The following CLN8 variants were observed in gnomAD, a reference collection of about 807,000 sequenced individuals.
CLN8 encodes protein CLN8.
A neutral mutation model predicts 15.7 loss-of-function variants in CLN8; 14 were observed. The ratio of observed to expected loss-of-function variants is 0.89; its 90% confidence interval spans 0.59 to 1.39. CLN8 has a LOEUF of 1.39. CLN8 is among the 40% of genes most tolerant of loss of function. The pLI is 0.00. For missense variants in CLN8, 415 were observed against 364.0 expected, an observed-to-expected ratio of 1.14 and a Z score of -1.14; for synonymous variants, 188 against 151.0, an observed-to-expected ratio of 1.25 and a Z score of -1.80.
rs1295919558 is a variant in CLN8 at position 1,784,205 on chromosome 8, A to T, written c.*3638A>T. 1 of 152,216 alleles carries T rather than the reference A, an allele frequency of 6.6e-6. No individual in the cohort carries two copies. Among genetic ancestry groups the T allele is most frequent in the Non-Finnish European group, 1.5e-5 (1 of 68,194 alleles). The allele number at this position is 152,216 out of a possible 1,614,324, so 9.4% of individuals were successfully genotyped here. A position where few individuals can be genotyped will look rare whatever the true frequency, so the allele number is the denominator to read the frequency against. ...GAGGCTAAGGTAGAAGAATTGCTTG[A>T]ACCTGGGAGGCAGAGATTGCAGTGA... On this transcript the variant is annotated 3_prime_UTR_variant, in exon 3 of 3. Transcript: ENST00000331222.
At chr8:1,759,709 C>T (rs1216900132), upstream of CLN8, 1 of 152,222 alleles carries the variant, frequency 6.6e-6, no homozygotes, top group African/African-American at 2.4e-5. Flanking sequence ...CAGAGACCCT[C>T]ATGCTTCCTG....
chr8:1,755,832 C>G (rs1242284820), exon 1 of CLN8: 1 of 152,214 alleles, frequency 6.6e-6, no homozygotes, highest in African/African-American at 2.4e-5. Flanking sequence ...CCGCTTGTCC[C>G]AGGCAGGAGA....
chr8:1,753,773 C>A (rs1420539724), upstream of CLN8, among the ~76,000 whole-genome samples: 1 of 150,904 alleles, frequency 6.6e-6, no homozygotes, highest in Non-Finnish European at 1.5e-5. Context: ...GTAATCCCAG[C>A]TACATGGGAG....
upstream of CLN8, chr8:1,759,529 CA>C (rs770380030): frequency 3.3e-5 from 5 of 152,166 alleles, no homozygotes; most frequent in Admixed American, 2.0e-4. Flanking sequence ...AGTATGATAT[CA>C]GGGGCGGGGA....
At chr8:1,770,268 C>T (rs182930165) in intron 1 of CLN8, among the ~76,000 whole-genome samples, 9 of 152,294 alleles carry the variant, frequency 5.9e-5, no homozygotes, top group Non-Finnish European at 1.0e-4. Flanking sequence ...GAGGGCCCAG[C>T]AGCTGCAGAG....
At chr8:1,762,960 G>A (rs1800839841), upstream of CLN8, 1 of 152,148 alleles carries the variant, frequency 6.6e-6, no homozygotes, top group African/African-American at 2.4e-5. Context: ...TTAGACAGAA[G>A]AAACATAAGT....
At position 1,780,599 on chromosome 8, in the gene CLN8, G is replaced by C. The variant is rs553111545; in HGVS notation, c.*32G>C. 27 of 1,605,770 alleles carry C rather than the reference G, an allele frequency of 1.7e-5. No individual in the cohort carries two copies. The South Asian group carries it at 2.5e-4, about 15-fold the overall frequency. Reference sequence around the variant, plus strand: ...CAGCCGGGGCTCCGGGGCGGCAGCAGAGCTGGCACACCGATTCTGGGAAGC... The same window carrying C: ...CAGCCGGGGCTCCGGGGCGGCAGCACAGCTGGCACACCGATTCTGGGAAGC... On this transcript the variant is annotated 3_prime_UTR_variant, in exon 3 of 3. Coordinates refer to ENST00000331222, the MANE Select transcript of CLN8 (RefSeq NM_018941.4).
intron 2 of CLN8, among the ~76,000 whole-genome samples, chr8:1,771,992 A>G (rs997655778): frequency 4.0e-5 from 6 of 151,618 alleles, no homozygotes; most frequent in South Asian, 2.1e-4. Context: ...CTGGAGTACA[A>G]TGGCATGGTT....
intron 2 of CLN8, among the ~76,000 whole-genome samples, chr8:1,778,491 T>C (rs1024591152): frequency 6.6e-6 from 1 of 152,240 alleles, no homozygotes. Context: ...TCTGCTCTTC[T>C]TCCTGAGTGT....
Position 1,781,078 on chromosome 8 carries a change from G to C in CLN8, c.*511G>C, listed in dbSNP as rs1428164076. ...TCCCAGCGTATGAAATTCTAAGCTG[G>C]GTGGGGTGGCTCACACCCGACGTAA... is the stretch of plus-strand genomic sequence containing the variant. On this transcript the variant is annotated 3_prime_UTR_variant, in exon 3 of 3. Coordinates refer to ENST00000331222, the MANE Select transcript of CLN8 (RefSeq NM_018941.4). 1 of 157,174 alleles carries C rather than the reference G, an allele frequency of 6.4e-6. No individual in the cohort carries two copies. Among genetic ancestry groups the C allele is most frequent in the Non-Finnish European group, 1.4e-5 (1 of 71,150 alleles). The allele number at this position is 157,174 out of a possible 1,614,324, so 9.7% of individuals were successfully genotyped here.
In CLN8 at chr8:1,771,167, T is replaced by G; in HGVS notation, c.113T>G (p.Val38Gly). 5 of 1,613,998 alleles carry G rather than the reference T, an allele frequency of 3.1e-6. No homozygotes were observed. Among genetic ancestry groups the G allele is most frequent in the Non-Finnish European group, 4.2e-6 (5 of 1,180,016 alleles). ...GCTGGCTTTGTCTTCTACTTGGGCG[T>G]CTTTGTGGTCTGCCACCAGCTGTCC... ...MVAGFVFYLG[V>G]FVVCHQLSSS... Residue 38 changes from valine (V) to glycine (G), a missense_variant, in exon 2 of 3, where the codon GTC (valine) becomes GGC (glycine). By Grantham distance (109) the Val-to-Gly change is moderately radical. Transcript: ENST00000331222.
In CLN8 at chr8:1,757,210, A is replaced by G. The variant is rs548541025; in HGVS notation, c.-124+1128A>G. ...CCACCATTGATGTTGGGGCTGGGCC[A>G]TTGCCGTGGGGCTGCCCTGGGCATT... On this transcript the variant is annotated intron_variant, in intron 1 of 1. Coordinates refer to the CLN8 transcript ENST00000524258. 2.5e-3 allele frequency among the ~76,000 whole-genome samples: 376 copies of G among 152,202 alleles called. 4 individuals are homozygous for G. The highest frequency in any genetic ancestry group is 8.8e-3 in the African/African-American group (367 of 41,530).
chr8:1,774,878 T>C (rs1017086497), intron 2 of CLN8, among the ~76,000 whole-genome samples: 2 of 151,986 alleles, frequency 1.3e-5, no homozygotes, highest in African/African-American at 4.8e-5. Flanking sequence ...TACCAGCCAA[T>C]TGGGAGGCTA....
At chr8:1,756,554 T>C (rs1010429912) in intron 1 of CLN8, among the ~76,000 whole-genome samples, 1 of 152,082 alleles carries the variant, frequency 6.6e-6, no homozygotes, top group Non-Finnish European at 1.5e-5. Flanking sequence ...TTATACCATA[T>C]TATGCTGTAT....
chr8:1,777,739 A>AG (rs1801573575), intron 2 of CLN8, among the ~76,000 whole-genome samples: 1 of 152,174 alleles, frequency 6.6e-6, no homozygotes, highest in Non-Finnish European at 1.5e-5. Context: ...GAGAGACTTC[A>AG]GGGGCAGTAA....
At chr8:1,771,975 G>A (rs1006767572) in intron 2 of CLN8, among the ~76,000 whole-genome samples, 12 of 150,490 alleles carry the variant, frequency 8.0e-5, no homozygotes, top group African/African-American at 1.5e-4. Flanking sequence ...TCACTCTGTC[G>A]CCCAGGCTGG....
chr8:1,785,987 C>T lies in CLN8; in HGVS notation c.*5420C>T, dbSNP rs1801822911. The T allele has an allele frequency of 1.3e-5, 2 of 153,142 alleles. No homozygotes were observed. The highest frequency in any genetic ancestry group is 4.1e-4 in the South Asian group (2 of 4,912). The allele number at this position is 153,142 out of a possible 1,614,324, so 9.5% of individuals were successfully genotyped here. On this transcript the variant is annotated 3_prime_UTR_variant, in exon 3 of 3. Coordinates refer to ENST00000331222, the MANE Select transcript of CLN8 (RefSeq NM_018941.4). ...CTGGTGGGTCTCCCAGGAGCTGCCC[C>T]TCCCTGGAAGTCACAGGACAGGAAT...
At chr8:1,763,231 C>T (rs1800852387), upstream of CLN8, 1 of 151,940 alleles carries the variant, frequency 6.6e-6, no homozygotes, top group Non-Finnish European at 1.5e-5. Flanking sequence ...GGCTCTGCCG[C>T]AGCTTTCAGG....
chr8:1,771,163 G>A lies in CLN8; in HGVS notation c.109G>A (p.Gly37Ser), dbSNP rs770240445. The stretch of plus-strand genomic sequence containing the variant: ...GGTCGCTGGCTTTGTCTTCTACTTG[G>A]GCGTCTTTGTGGTCTGCCACCAGCT... ...LMVAGFVFYLGVFVVCHQLSS... is the reference protein window; with the variant it reads ...LMVAGFVFYLSVFVVCHQLSS... The change falls in exon 2 of 3, where the codon GGC becomes AGC. Residue 37 changes from glycine (G) to serine (S), a missense_variant. Coordinates refer to ENST00000331222, the MANE Select transcript of CLN8 (RefSeq NM_018941.4). 1.9e-6 allele frequency: 3 copies of A among 1,613,986 alleles called. No individual in the cohort carries two copies. Among genetic ancestry groups the A allele is most frequent in the Admixed American group, 1.7e-5 (1 of 59,994 alleles).
Sources: allele counts gnomAD v4.1 joint callset (sites outside exome capture counted in the v4.1 genomes callset), GRCh38; gene constraint gnomAD v4.1.1; transcripts MANE v1.5; gene names NCBI Gene and HGNC (gene_info 2026-07-23, HGNC 2026-07-21).